SFMBT2: variants seen among roughly 807,000 people sequenced by gnomAD.
SFMBT2 encodes the protein Scm like with four mbt domains 2, also known as scm-like with four MBT domains protein 2.
SFMBT2 carries 38 observed loss-of-function variants against 110.1 expected under a neutral mutation model. That is an observed-to-expected ratio of 0.35 (90% CI 0.27 to 0.45). The LOEUF is 0.45. SFMBT2 is among the 20% of genes least tolerant of loss of function. The pLI is 1.00. For missense variants in SFMBT2, 1,011 were observed against 1,094.9 expected (o/e 0.92, Z 1.08); for synonymous variants, 425 against 425.4 (o/e 1.00, Z 0.01).
At chr10:7,259,325 T>C (rs1841125261) in intron 7 of SFMBT2, among the ~76,000 whole-genome samples, 1 of 152,244 alleles carries the variant, frequency 6.6e-6, no homozygotes, top group Admixed American at 6.5e-5. Context: ...CCAAGCAGCC[T>C]GGACTGGATC....
chr10:7,346,057 C>G (rs1218919314), intron 4 of SFMBT2, among the ~76,000 whole-genome samples: 1 of 152,158 alleles, frequency 6.6e-6, no homozygotes, highest in East Asian at 1.9e-4. Flanking sequence ...CCCTCACCCC[C>G]CCGAAATTCC....
intron 1 of SFMBT2, among the ~76,000 whole-genome samples, chr10:7,390,316 T>C (rs1006971894): frequency 1.3e-5 from 2 of 152,218 alleles, no homozygotes; most frequent in African/African-American, 4.8e-5. Context: ...TCTTAAAAGT[T>C]TTAATGTAAT....
chr10:7,387,580 G>T (rs2132095830), intron 1 of SFMBT2, among the ~76,000 whole-genome samples: 1 of 152,044 alleles, frequency 6.6e-6, no homozygotes, highest in South Asian at 2.1e-4. Flanking sequence ...CATCAAAGCG[G>T]AACAGAAAAT....
intron 7 of SFMBT2, among the ~76,000 whole-genome samples, chr10:7,263,299 T>C (rs757630044): frequency 6.6e-6 from 1 of 152,156 alleles, no homozygotes; most frequent in Non-Finnish European, 1.5e-5. Context: ...TGGAGTACAA[T>C]GGCGCGATCT....
intron 7 of SFMBT2, among the ~76,000 whole-genome samples, chr10:7,271,477 T>C (rs946126831): frequency 6.6e-6 from 1 of 151,994 alleles, no homozygotes; most frequent in Non-Finnish European, 1.5e-5. Context: ...GAGGCCGGTA[T>C]TATACAAGGA....
intron 11 of SFMBT2, among the ~76,000 whole-genome samples, chr10:7,218,999 C>T (rs554545375): frequency 5.3e-5 from 8 of 152,158 alleles, no homozygotes; most frequent in East Asian, 1.9e-4. Context: ...TTAACCATAA[C>T]GCACTAAGTA....
intron 9 of SFMBT2, among the ~76,000 whole-genome samples, chr10:7,229,218 C>T (rs1840038618): frequency 6.6e-6 from 1 of 152,138 alleles, no homozygotes; most frequent in Admixed American, 6.5e-5. Flanking sequence ...TGAGTGCAAA[C>T]TCACTTATCA....
chr10:7,288,664 C>T (rs1754037822), intron 4 of SFMBT2, among the ~76,000 whole-genome samples: 1 of 152,216 alleles, frequency 6.6e-6, no homozygotes, highest in African/African-American at 2.4e-5. Context: ...TTCATTCACC[C>T]TGTTTTGTTC....
chr10:7,257,991 A>G (rs1046840351), intron 7 of SFMBT2, among the ~76,000 whole-genome samples: 5 of 152,174 alleles, frequency 3.3e-5, no homozygotes, highest in Non-Finnish European at 7.4e-5. Context: ...AAGTGCAATG[A>G]TGCAATCAAG....
intron 9 of SFMBT2, among the ~76,000 whole-genome samples, chr10:7,238,043 T>C (rs937161148): frequency 2.6e-5 from 4 of 152,146 alleles, no homozygotes; most frequent in Non-Finnish European, 5.9e-5. Context: ...TCAGCACGGC[T>C]GGGTGCTGTA....
At chr10:7,320,032 AAGAG>A (rs1244834948) in intron 4 of SFMBT2, among the ~76,000 whole-genome samples, 10 of 140,516 alleles carry the variant, frequency 7.1e-5, no homozygotes, top group South Asian at 4.9e-4. Context: ...CAGAAAGAGA[AAGAG>A]AGAGACAAAG....
At chr10:7,300,136 G>A (rs1479838613) in intron 4 of SFMBT2, among the ~76,000 whole-genome samples, 1 of 152,124 alleles carries the variant, frequency 6.6e-6, no homozygotes, top group Non-Finnish European at 1.5e-5. Context: ...TGGACACAGA[G>A]AGGAGAACAT....
intron 11 of SFMBT2, among the ~76,000 whole-genome samples, chr10:7,209,213 T>C (rs1448211982): frequency 1.3e-5 from 2 of 152,248 alleles, no homozygotes; most frequent in East Asian, 3.8e-4. Context: ...TCCACAATGC[T>C]TCTCCTTGAT....
At position 7,205,120 on chromosome 10, in the gene SFMBT2, G is replaced by A. The variant is rs148459916; in HGVS notation, c.1444+695C>T. The stretch of plus-strand genomic sequence containing the variant: ...GACAGAGTCTCACCCTGTCACCCAC[G>A]CTGGAGTCTACTGGTGCTTGGTTGC... On this transcript the variant is annotated intron_variant, in intron 12 of 20. Transcript: ENST00000397167. 69 of 240,758 alleles carry A rather than the reference G, an allele frequency of 2.9e-4. 1 individual carries two copies. The highest frequency in any genetic ancestry group is 9.0e-4 in the African/African-American group (39 of 43,164). 14.9% of individuals were successfully genotyped at this position (240,758 alleles called of 1,614,324 possible).
intron 20 of SFMBT2, among the ~76,000 whole-genome samples, chr10:7,166,739 AC>A (rs772410590): frequency 3.9e-5 from 6 of 152,234 alleles, no homozygotes; most frequent in African/African-American, 1.4e-4. Context: ...GACTTCAGGG[AC>A]CAGTAAGAAT....
chr10:7,252,715 C>G (rs910579707), intron 7 of SFMBT2, among the ~76,000 whole-genome samples: 21 of 152,278 alleles, frequency 1.4e-4, no homozygotes, highest in Admixed American at 8.5e-4. Context: ...TGGCTCAGAT[C>G]TCCTACAACT....
chr10:7,210,316 A>C (rs916258730), intron 11 of SFMBT2, among the ~76,000 whole-genome samples: 2 of 152,170 alleles, frequency 1.3e-5, no homozygotes, highest in Admixed American at 1.3e-4. Flanking sequence ...AGTTCTATCA[A>C]ACTCCTAAAA....
In SFMBT2 at chr10:7,293,682, G is replaced by A. The variant is rs1369196068; in HGVS notation, c.437-7728C>T. Among the ~76,000 whole-genome samples the A allele has an allele frequency of 1.3e-5, 2 of 152,172 alleles. No individual in the cohort carries two copies. The highest frequency in any genetic ancestry group is 2.9e-5 in the Non-Finnish European group (2 of 68,028). On this transcript the variant is annotated intron_variant, in intron 4 of 20. Coordinates refer to ENST00000397167, the MANE Select transcript of SFMBT2 (RefSeq NM_001387889.1). The surrounding 1 kb of genome is among the most constrained non-coding windows in gnomAD (Gnocchi z 4.6). ...ACACAGCCACAGAGGTGCAAGCACA[G>A]TCAAAGTTCCTCTCTCTTTCTCTTT...
At chr10:7,354,829 G>C (rs1194611634) in intron 4 of SFMBT2, among the ~76,000 whole-genome samples, 3 of 152,198 alleles carry the variant, frequency 2.0e-5, no homozygotes, top group Non-Finnish European at 4.4e-5. Context: ...AAGCACTAGA[G>C]CACAGAAGAC....
Sources: allele counts gnomAD v4.1 joint callset (sites outside exome capture counted in the v4.1 genomes callset), GRCh38; gene constraint gnomAD v4.1.1; non-coding constraint Gnocchi (gnomAD v3.1); transcripts MANE v1.5; gene names NCBI Gene and HGNC (gene_info 2026-07-23, HGNC 2026-07-21).